The following MEIKIN variants were observed in gnomAD, a reference collection of about 807,000 sequenced individuals.
The protein encoded by MEIKIN is meiotic kinetochore factor.
At chr5:131,931,338 T>A (rs1030162282) in intron 5 of MEIKIN, among the ~76,000 whole-genome samples, 1 of 152,228 alleles carries the variant, frequency 6.6e-6, no homozygotes, top group East Asian at 1.9e-4. Context: ...TCTTTTTTTT[T>A]CCCCCACTCA....
chr5:131,892,040 G>A (rs1427389751), intron 8 of MEIKIN, among the ~76,000 whole-genome samples: 1 of 151,986 alleles, frequency 6.6e-6, no homozygotes, highest in African/African-American at 2.4e-5. Flanking sequence ...GTTGAATATT[G>A]GCCCCCACTC....
intron 11 of MEIKIN, among the ~76,000 whole-genome samples, chr5:131,826,503 A>C (rs1169963854): frequency 6.6e-6 from 1 of 152,162 alleles, no homozygotes; most frequent in East Asian, 1.9e-4. Context: ...TCATTTTTAG[A>C]CATTACTAAC....
intron 8 of MEIKIN, among the ~76,000 whole-genome samples, chr5:131,905,938 T>C (rs1279054688): frequency 2.0e-5 from 3 of 152,248 alleles, no homozygotes; most frequent in Admixed American, 6.5e-5. Flanking sequence ...GAAAATAACC[T>C]AGGAAATACC....
intron 12 of MEIKIN, among the ~76,000 whole-genome samples, chr5:131,812,960 C>G (rs1376950968): frequency 6.6e-6 from 1 of 152,210 alleles, no homozygotes; most frequent in Non-Finnish European, 1.5e-5. Flanking sequence ...ATCAAGTTAC[C>G]ATGTGACCCA....
chr5:131,894,708 A>C (rs1751003295), intron 8 of MEIKIN, among the ~76,000 whole-genome samples: 1 of 152,026 alleles, frequency 6.6e-6, no homozygotes, highest in Admixed American at 6.6e-5. Flanking sequence ...TTTGTCTGTT[A>C]TTGGTGTATA....
At chr5:131,925,567 A>T (rs956180143) in intron 5 of MEIKIN, among the ~76,000 whole-genome samples, 5 of 152,086 alleles carry the variant, frequency 3.3e-5, no homozygotes, top group African/African-American at 1.2e-4. Flanking sequence ...CAGGTAGTTT[A>T]TTGCTAGGAT....
At chr5:131,850,559 G>A (rs535837828) in intron 11 of MEIKIN, among the ~76,000 whole-genome samples, 1 of 152,218 alleles carries the variant, frequency 6.6e-6, no homozygotes, top group East Asian at 1.9e-4. Context: ...AAGGGGGCCA[G>A]ACCATTCAAT....
intron 8 of MEIKIN, among the ~76,000 whole-genome samples, chr5:131,903,692 T>G (rs1003109044): frequency 6.6e-6 from 1 of 151,928 alleles, no homozygotes; most frequent in Non-Finnish European, 1.5e-5. Context: ...CACACTTAAG[T>G]ACATAGACAA....
chr5:131,923,946 G>A (rs575947486), intron 5 of MEIKIN, among the ~76,000 whole-genome samples: 41 of 152,238 alleles, frequency 2.7e-4, no homozygotes, highest in African/African-American at 9.9e-4. Context: ...TCCTACATGT[G>A]TAAGTGAAAC....
At chr5:131,831,947 A>G (rs905404517) in intron 11 of MEIKIN, among the ~76,000 whole-genome samples, 2 of 152,174 alleles carry the variant, frequency 1.3e-5, no homozygotes, top group Admixed American at 6.5e-5. Flanking sequence ...ACACATGGGA[A>G]TTCTGGGAGA....
At chr5:131,820,074 C>CTTTT (rs138803335) in intron 11 of MEIKIN, among the ~76,000 whole-genome samples, 64 of 112,856 alleles carry the variant, frequency 5.7e-4, no homozygotes, top group South Asian at 4.9e-3. Flanking sequence ...CGCGCCCGGC[C>CTTTT]TTTTTTTTTT....
At chr5:131,855,715 G>T (rs1286312538) in intron 9 of MEIKIN, among the ~76,000 whole-genome samples, 1 of 152,118 alleles carries the variant, frequency 6.6e-6, no homozygotes, top group African/African-American at 2.4e-5. Context: ...CATAGATTGT[G>T]AGCAGAGATT....
At chr5:131,828,034 G>A (rs1463831045) in intron 11 of MEIKIN, among the ~76,000 whole-genome samples, 2 of 148,172 alleles carry the variant, frequency 1.3e-5, no homozygotes, top group African/African-American at 5.0e-5. Flanking sequence ...GCAAGACCCT[G>A]TCTCAAAAAA....
chr5:131,827,769 G>A (rs1308429320), intron 11 of MEIKIN, among the ~76,000 whole-genome samples: 1 of 152,074 alleles, frequency 6.6e-6, no homozygotes, highest in African/African-American at 2.4e-5. Context: ...ATCTACCATC[G>A]TAATAGTGGC....
In MEIKIN at chr5:131,807,104, A is replaced by C; in HGVS notation, c.*132T>G. On this transcript the variant is annotated 3_prime_UTR_variant, in exon 13 of 13. Coordinates refer to ENST00000442687, the MANE Select transcript of MEIKIN (RefSeq NM_001303622.2). ...GAACCTCAGTAGAATTTCAACATAG[A>C]GATATATCACAAATAACTGGAGAAT... is the stretch of plus-strand genomic sequence containing the variant. The C allele has an allele frequency of 2.5e-6, 1 of 395,540 alleles. No homozygotes were observed. Among genetic ancestry groups the C allele is most frequent in the East Asian group, 3.6e-5 (1 of 27,834 alleles). The allele number at this position is 395,540 out of a possible 1,614,324, so 24.5% of individuals were successfully genotyped here. A position where few individuals can be genotyped will look rare whatever the true frequency, so the allele number is the denominator to read the frequency against.
At chr5:131,854,934 T>C in intron 9 of MEIKIN, 100 bp from the exon 10 acceptor site, 2 of 387,080 alleles carry the variant, frequency 5.2e-6, no homozygotes, top group Non-Finnish European at 4.6e-6. Context: ...CAGATCATAA[T>C]GTACAGTACT....
chr5:131,930,779 C>T (rs1279402672), intron 5 of MEIKIN, among the ~76,000 whole-genome samples: 1 of 152,194 alleles, frequency 6.6e-6, no homozygotes, highest in East Asian at 1.9e-4. Context: ...TAGGCATGAG[C>T]CACTGTGCCT....
chr5:131,940,456 G>A (rs918521250), intron 4 of MEIKIN, among the ~76,000 whole-genome samples: 1 of 152,040 alleles, frequency 6.6e-6, no homozygotes, highest in African/African-American at 2.4e-5. Context: ...CTATATTATG[G>A]ATTCAGCGGC....
intron 8 of MEIKIN, among the ~76,000 whole-genome samples, chr5:131,903,703 G>A (rs1751196825): frequency 6.6e-6 from 1 of 152,074 alleles, no homozygotes; most frequent in Non-Finnish European, 1.5e-5. Flanking sequence ...ACATAGACAA[G>A]TGACACTACA....
Sources: allele counts gnomAD v4.1 joint callset (sites outside exome capture counted in the v4.1 genomes callset), GRCh38; gene constraint gnomAD v4.1.1; transcripts MANE v1.5; gene names NCBI Gene and HGNC (gene_info 2026-07-23, HGNC 2026-07-21).